TMEM131: variants seen among roughly 807,000 people sequenced by gnomAD.
The protein encoded by TMEM131 is 2610524E03Rik.
In TMEM131, 66 loss-of-function variants were observed where a neutral mutation model predicts 211.6. The ratio of observed to expected loss-of-function variants is 0.31; its 90% confidence interval spans 0.26 to 0.38. The LOEUF (loss-of-function observed/expected upper bound fraction) is 0.38. Ranked by LOEUF, TMEM131 falls within the 10% of genes least tolerant of loss-of-function variation. The pLI is 1.00. For missense variants in TMEM131, 2,036 were observed against 2,299.3 expected (o/e 0.89, Z 2.34); for synonymous variants, 844 against 841.3 (o/e 1.00, Z -0.06).
intron 40 of TMEM131, among the ~76,000 whole-genome samples, chr2:97,757,942 C>T (rs111793111): frequency 0.022 from 3,340 of 152,210 alleles, 137 homozygotes; most frequent in African/African-American, 0.077. Flanking sequence ...ATCATCCTGG[C>T]TAACATGGTG....
intron 8 of TMEM131, among the ~76,000 whole-genome samples, chr2:97,835,386 GCT>G (rs1447740929): frequency 6.6e-6 from 1 of 152,164 alleles, no homozygotes; most frequent in Non-Finnish European, 1.5e-5. Flanking sequence ...GGCTTACACT[GCT>G]CTTTCATGGA....
chr2:97,957,112 A>AAT (rs1553620058), intron 1 of TMEM131, among the ~76,000 whole-genome samples: 2 of 150,524 alleles, frequency 1.3e-5, no homozygotes, highest in Non-Finnish European at 1.5e-5. Context: ...AAAAAAAAAA[A>AAT]GTTATCCTAC....
chr2:97,849,460 A>G (rs1683595034), intron 5 of TMEM131, among the ~76,000 whole-genome samples: 1 of 152,168 alleles, frequency 6.6e-6, no homozygotes, highest in African/African-American at 2.4e-5. Context: ...AAGAAGCCAG[A>G]CTAAAAATGC....
Position 97,948,442 on chromosome 2 carries a change from G to A in TMEM131, c.188-20955C>T, listed in dbSNP as rs188620992. On this transcript the variant is annotated intron_variant, in intron 1 of 40. Transcript: ENST00000186436. ...CATGAATAGCACATGAAATAAGAGGGCACATGAAAAGATGCTCAAAATCCT... is the reference window on the plus strand; with the variant it reads ...CATGAATAGCACATGAAATAAGAGGACACATGAAAAGATGCTCAAAATCCT... Among the ~76,000 whole-genome samples the A allele has an allele frequency of 2.6e-5, 4 of 152,080 alleles. No homozygotes were observed. The South Asian group carries it at 8.3e-4, about 32-fold the overall frequency.
chr2:97,949,074 A>T (rs1678181738), intron 1 of TMEM131, among the ~76,000 whole-genome samples: 1 of 152,234 alleles, frequency 6.6e-6, no homozygotes, highest in African/African-American at 2.4e-5. Context: ...ATGAATATTT[A>T]GGGAAGCTTT....
intron 18 of TMEM131, 30 bp from the exon 19 acceptor site, chr2:97,809,804 A>C: frequency 6.5e-7 from 1 of 1,537,524 alleles, no homozygotes; most frequent in East Asian, 2.3e-5. Flanking sequence ...ATGATAGATA[A>C]GTAGTTAAGA....
At chr2:97,992,793 C>A (rs2104688728) in intron 1 of TMEM131, among the ~76,000 whole-genome samples, 1 of 152,272 alleles carries the variant, frequency 6.6e-6, no homozygotes, top group East Asian at 1.9e-4. Context: ...TTGCTATTCT[C>A]AGTATCTAGA....
chr2:97,766,084 G>A (rs117504064), intron 35 of TMEM131, 30 bp downstream of exon 35: 1 of 1,612,068 alleles, frequency 6.2e-7, no homozygotes, highest in African/African-American at 1.3e-5. Context: ...GGTAAGTGGA[G>A]CCCTGTGGTT....
At chr2:97,886,546 T>C (rs891775788) in intron 4 of TMEM131, among the ~76,000 whole-genome samples, 2 of 152,238 alleles carry the variant, frequency 1.3e-5, no homozygotes, top group East Asian at 1.9e-4. Flanking sequence ...TCAGTCACAC[T>C]TGACGTCTGC....
chr2:97,796,873 G>T lies in TMEM131; in HGVS notation c.2984C>A (p.Thr995Lys). 2.5e-6 allele frequency: 4 copies of T among 1,613,924 alleles called. No individual in the cohort carries two copies. Among genetic ancestry groups the T allele is most frequent in the South Asian group, 1.1e-5 (1 of 91,076 alleles). Residue 995 changes from threonine (T) to lysine (K), a missense_variant, in exon 27 of 41, where the codon ACG becomes AAG. Coordinates refer to ENST00000186436, the MANE Select transcript of TMEM131 (RefSeq NM_015348.2). Reference protein sequence around the residue: ...GPGSSLRFKITEALLKDCTDS... With the variant: ...GPGSSLRFKIKEALLKDCTDS... ...TGTACAATCTTTTAACAATGCTTCC[G>T]TGATTTTAAAGCGTAAGGAGCTTCC...
intron 11 of TMEM131, among the ~76,000 whole-genome samples, chr2:97,832,004 C>CAAAAAAAAAAAAAAAAAAAAA (rs770432398): frequency 1.7e-5 from 1 of 60,266 alleles, no homozygotes; most frequent in Non-Finnish European, 2.9e-5. Context: ...AAGTCACTTC[C>CAAAAAAAAAAAAAAAAAAAAA]AAAAAAAAAA....
At chr2:97,862,604 T>C (rs1163782115) in intron 4 of TMEM131, among the ~76,000 whole-genome samples, 1 of 152,078 alleles carries the variant, frequency 6.6e-6, no homozygotes, top group Non-Finnish European at 1.5e-5. Flanking sequence ...GAAGACTGCA[T>C]CAGAGTTTCT....
intron 31 of TMEM131, among the ~76,000 whole-genome samples, 195 bp from the exon 32 acceptor site, chr2:97,776,213 C>T (rs913202369): frequency 1.3e-5 from 2 of 152,040 alleles, no homozygotes; most frequent in African/African-American, 4.8e-5. Flanking sequence ...GCCACCATGC[C>T]CAGCTAATTT....
In TMEM131 at chr2:97,976,816, A is replaced by G. The variant is rs566855208; in HGVS notation, c.187+18660T>C. Reference sequence around the variant, plus strand: ...GCAGAAAAATAGATTAACAGAACAAAAGAGAGACAGACAACCAGAAATAAA... The same window carrying G: ...GCAGAAAAATAGATTAACAGAACAAGAGAGAGACAGACAACCAGAAATAAA... On this transcript the variant is annotated intron_variant, in intron 1 of 40. Transcript: ENST00000186436. Among the ~76,000 whole-genome samples, 78 of 152,176 alleles carry G rather than the reference A, an allele frequency of 5.1e-4. 1 individual carries two copies. The highest frequency in any genetic ancestry group is 8.2e-4 in the Non-Finnish European group (56 of 68,008).
At chr2:97,762,388 G>C in intron 35 of TMEM131, 188 bp from the exon 36 acceptor site, 1 of 558,926 alleles carries the variant, frequency 1.8e-6, no homozygotes, top group Non-Finnish European at 3.1e-6. Flanking sequence ...CTGCACTCGG[G>C]GATTTGAGGG....
chr2:97,867,764 C>T (rs1206628677), intron 4 of TMEM131, among the ~76,000 whole-genome samples: 1 of 152,154 alleles, frequency 6.6e-6, no homozygotes, highest in African/African-American at 2.4e-5. Flanking sequence ...ATGCTAGCAG[C>T]CCTCCCTTCT....
chr2:97,805,172 T>C lies in TMEM131; in HGVS notation c.2318A>G (p.Gln773Arg), dbSNP rs764486782. Reference protein sequence around the residue: ...EPKVQPGVAMQEDMWDADWDL... With the variant: ...EPKVQPGVAMREDMWDADWDL... ...CCAGTCAGCATCCCACATATCTTCC[T>C]GCATGGCTACACCAGGCTGCACTTT... The change falls in exon 22 of 41, where the codon CAG becomes CGG. Residue 773 changes from glutamine to arginine, a missense_variant. Coordinates refer to ENST00000186436, the MANE Select transcript of TMEM131 (RefSeq NM_015348.2). 1.5e-5 allele frequency: 25 copies of C among 1,613,754 alleles called. No individual in the cohort carries two copies. Among genetic ancestry groups the C allele is most frequent in the Non-Finnish European group, 2.1e-5 (25 of 1,179,844 alleles).
rs963423317 is a variant in TMEM131 at position 97,757,018 on chromosome 2, G to C, written c.*81C>G. 10 of 1,460,564 alleles carry C rather than the reference G, an allele frequency of 6.8e-6. No individual in the cohort carries two copies. The South Asian group carries it at 1.2e-4, about 17-fold the overall frequency. The allele number at this position is 1,460,564 out of a possible 1,614,324, so 90.5% of individuals were successfully genotyped here. Reference sequence around the variant, plus strand: ...AGGGTGGGGAGGGGAGCTGCAGTAAGAGCCTTAAAAAGATGTCTCAGAAAC... The same window carrying C: ...AGGGTGGGGAGGGGAGCTGCAGTAACAGCCTTAAAAAGATGTCTCAGAAAC... On this transcript the variant is annotated 3_prime_UTR_variant, in exon 41 of 41. Coordinates refer to ENST00000186436, the MANE Select transcript of TMEM131 (RefSeq NM_015348.2).
chr2:97,995,799 T>G lies in TMEM131; in HGVS notation c.-137A>C. 2.1e-6 allele frequency: 1 copy of G among 473,400 alleles called. No individual in the cohort carries two copies. The highest frequency in any genetic ancestry group is 3.0e-6 in the Non-Finnish European group (1 of 328,084). 29.3% of individuals were successfully genotyped at this position (473,400 alleles called of 1,614,324 possible). On this transcript the variant is annotated 5_prime_UTR_variant, in exon 1 of 41. Transcript: ENST00000186436. ...ACGGTTGCGAGCCCGGGGCTCGATC[T>G]CCGAGCGTGGGCCTGGGTCCGTGCG... is the stretch of plus-strand genomic sequence containing the variant.
Sources: gnomAD v4.1 joint callset for allele counts (sites outside exome capture counted in the v4.1 genomes callset) on GRCh38, gnomAD v4.1.1 for gene constraint, MANE v1.5 for transcripts, NCBI Gene and HGNC (gene_info 2026-07-23, HGNC 2026-07-21) for gene names.